The following EIF4E3 variants were observed in gnomAD, a reference collection of about 807,000 sequenced individuals.
The protein encoded by EIF4E3 is eukaryotic translation initiation factor 4E family member 3, also known as eukaryotic translation initiation factor 4E type 3.
A neutral mutation model predicts 31.7 loss-of-function variants in EIF4E3; 26 were observed. The observed-to-expected ratio is 0.82, with a 90% CI of 0.60 to 1.14. The LOEUF (loss-of-function observed/expected upper bound fraction) is 1.14, where lower values mean the gene tolerates loss of function less well. Among genes scored for constraint, EIF4E3 ranks in the 50% most tolerant of loss-of-function variants. EIF4E3 has a pLI of 0.00. For missense variants in EIF4E3, 304 were observed against 270.9 expected, an observed-to-expected ratio of 1.12 and a Z score of -0.86; for synonymous variants, 128 against 107.7, an observed-to-expected ratio of 1.19 and a Z score of -1.17.
intron 1 of EIF4E3, among the ~76,000 whole-genome samples, chr3:71,744,758 T>C (rs1358644034): frequency 2.0e-5 from 3 of 152,118 alleles, no homozygotes; most frequent in Admixed American, 2.0e-4. Flanking sequence ...AAAATATATA[T>C]ATTTACGTCC....
At chr3:71,713,108 T>A (rs1002892975) in intron 1 of EIF4E3, among the ~76,000 whole-genome samples, 1 of 152,158 alleles carries the variant, frequency 6.6e-6, no homozygotes, top group African/African-American at 2.4e-5. Flanking sequence ...GTGACTAACA[T>A]GTAAGTGCCG....
intron 6 of EIF4E3, among the ~76,000 whole-genome samples, chr3:71,686,913 GC>G (rs1375829281): frequency 2.0e-5 from 3 of 152,166 alleles, no homozygotes; most frequent in African/African-American, 7.2e-5. Context: ...ATTGCTCTAA[GC>G]CTGGAGTTGG....
At chr3:71,688,171 T>C (rs1370633034) in intron 6 of EIF4E3, among the ~76,000 whole-genome samples, 3 of 152,218 alleles carry the variant, frequency 2.0e-5, no homozygotes, top group Non-Finnish European at 4.4e-5. Flanking sequence ...TTGATTTAAC[T>C]GGCCAAGTTG....
intron 1 of EIF4E3, among the ~76,000 whole-genome samples, chr3:71,745,533 A>G (rs937624372): frequency 8.5e-5 from 13 of 152,242 alleles, no homozygotes; most frequent in Middle Eastern, 3.2e-3. Flanking sequence ...AGTAGAAAGT[A>G]TCAATAATCG....
At position 71,690,179 on chromosome 3, in the gene EIF4E3, A is replaced by C; in HGVS notation, c.473-14T>G. 3 of 1,589,012 alleles carry C rather than the reference A, an allele frequency of 1.9e-6. No individual in the cohort carries two copies. Among genetic ancestry groups the C allele is most frequent in the Non-Finnish European group, 2.6e-6 (3 of 1,170,266 alleles). On this transcript the variant is annotated splice_polypyrimidine_tract_variant and intron_variant, in intron 5 of 6. Coordinates refer to ENST00000425534, the MANE Select transcript of EIF4E3 (RefSeq NM_001134651.2). ...TTACTTCATCATCTGAGGGGAAGAC[A>C]GGAAAAAAAAAAAATGAGTGATACT...
intron 1 of EIF4E3, among the ~76,000 whole-genome samples, chr3:71,743,057 T>G (rs1014781740): frequency 5.3e-5 from 8 of 152,162 alleles, no homozygotes; most frequent in African/African-American, 1.7e-4. Context: ...GGTGAAAAAC[T>G]GAATGCTTTC....
At chr3:71,750,009 T>C (rs897657743) in intron 1 of EIF4E3, among the ~76,000 whole-genome samples, 19 of 152,226 alleles carry the variant, frequency 1.2e-4, no homozygotes, top group African/African-American at 4.6e-4. Flanking sequence ...GATTTATGTA[T>C]TTTCTACTGC....
intron 3 of EIF4E3, among the ~76,000 whole-genome samples, chr3:71,698,972 G>A (rs1460834648): frequency 3.9e-5 from 6 of 152,172 alleles, no homozygotes; most frequent in Admixed American, 3.9e-4. Context: ...TGTAATCCCA[G>A]CACTTTAGAA....
At position 71,678,019 on chromosome 3, in the gene EIF4E3, AAC is replaced by A. The variant is rs939087239; in HGVS notation, c.*6661_*6662del. 8 of 152,312 alleles carry A rather than the reference AAC, an allele frequency of 5.3e-5. No homozygotes were observed. Among genetic ancestry groups the A allele is most frequent in the East Asian group, 1.9e-4 (1 of 5,188 alleles). 9.4% of individuals were successfully genotyped at this position (152,312 alleles called of 1,614,324 possible). A position where few individuals can be genotyped will look rare whatever the true frequency, so the allele number is the denominator to read the frequency against. On this transcript the variant is annotated 3_prime_UTR_variant, in exon 7 of 7. Coordinates refer to ENST00000425534, the MANE Select transcript of EIF4E3 (RefSeq NM_001134651.2). ...TTCAACAGGGAAGTGTAAAAATAAC[AAC>A]AGTTACTCCCCATCAGAATACCAGA...
At position 71,676,801 on chromosome 3, in the gene EIF4E3, C is replaced by G. The variant is rs1360197363; in HGVS notation, c.*7881G>C. ...TTGTCCTTTATAACTTGACTATCTT[C>G]ATGAAACACTAATTATTTTCGCCTT... On this transcript the variant is annotated 3_prime_UTR_variant, in exon 7 of 7. Coordinates refer to ENST00000425534, the MANE Select transcript of EIF4E3 (RefSeq NM_001134651.2). The G allele has an allele frequency of 6.6e-6, 1 of 151,840 alleles. No homozygotes were observed. The highest frequency in any genetic ancestry group is 1.5e-5 in the Non-Finnish European group (1 of 67,960). The allele number at this position is 151,840 out of a possible 1,614,324, so 9.4% of individuals were successfully genotyped here.
intron 2 of EIF4E3, among the ~76,000 whole-genome samples, chr3:71,703,133 C>G (rs1393276241): frequency 1.3e-5 from 2 of 152,118 alleles, no homozygotes; most frequent in African/African-American, 4.8e-5. Context: ...GATAATCACC[C>G]TAAGACTAGG....
intron 3 of EIF4E3, among the ~76,000 whole-genome samples, chr3:71,697,725 T>C: frequency 6.6e-6 from 1 of 152,214 alleles, no homozygotes; most frequent in Non-Finnish European, 1.5e-5. Context: ...TCCATCCATG[T>C]TGTTGCAAAT....
chr3:71,663,113 G>T, the EIF4E3 span, among the ~76,000 whole-genome samples: 1 of 152,086 alleles, frequency 6.6e-6, no homozygotes, highest in Admixed American at 6.6e-5. Context: ...CTTGCAAGCC[G>T]CCATCCCCAT....
At position 71,725,095 on chromosome 3, in the gene EIF4E3, G is replaced by C. The variant is rs1361537695; in HGVS notation, c.176+97C>G. ...GAGGGGCCGAGGTCTGTGCCACAGCGGAGCGGGGCCGGGGCGAGGGGCCGC... is the reference window on the plus strand; with the variant it reads ...GAGGGGCCGAGGTCTGTGCCACAGCCGAGCGGGGCCGGGGCGAGGGGCCGC... On this transcript the variant is annotated intron_variant, in intron 1 of 6. Transcript: ENST00000425534. This position sits in a 1 kb window ranked among gnomAD's most constrained non-coding sequence, Gnocchi z 6.1. 4 of 904,718 alleles carry C rather than the reference G, an allele frequency of 4.4e-6. No homozygotes were observed. In the African/African-American group the frequency reaches 7.2e-5, roughly 16 times the overall value. 56.0% of individuals were successfully genotyped at this position (904,718 alleles called of 1,614,324 possible).
chr3:71,684,456 T>C lies in EIF4E3; in HGVS notation c.*226A>G, dbSNP rs997475433. ...TTTAGAAAGCCAAAAAAAAAGTTTT[T>C]TGTGTGTGTTTTTTTTAAAAAGCAA... On this transcript the variant is annotated 3_prime_UTR_variant, in exon 7 of 7. Coordinates refer to ENST00000425534, the MANE Select transcript of EIF4E3 (RefSeq NM_001134651.2). 1 of 391,718 alleles carries C rather than the reference T, an allele frequency of 2.6e-6. No individual in the cohort carries two copies. Among genetic ancestry groups the C allele is most frequent in the Non-Finnish European group, 4.5e-6 (1 of 222,508 alleles). 24.3% of individuals were successfully genotyped at this position (391,718 alleles called of 1,614,324 possible). A position where few individuals can be genotyped will look rare whatever the true frequency, so the allele number is the denominator to read the frequency against.
intron 1 of EIF4E3, among the ~76,000 whole-genome samples, chr3:71,720,319 C>G (rs2049527710): frequency 6.6e-6 from 1 of 151,982 alleles, no homozygotes; most frequent in Non-Finnish European, 1.5e-5. Flanking sequence ...CCTCAGCCTC[C>G]CAAGTAGCTG....
At chr3:71,669,970 C>T in the EIF4E3 span, among the ~76,000 whole-genome samples, 2 of 152,204 alleles carry the variant, frequency 1.3e-5, no homozygotes. Context: ...TCCTTGAGGA[C>T]AAGACACAAC....
chr3:71,663,138 AG>A, the EIF4E3 span, among the ~76,000 whole-genome samples: 1 of 152,124 alleles, frequency 6.6e-6, no homozygotes, highest in Non-Finnish European at 1.5e-5. Context: ...AGAGAAGAAC[AG>A]GTGGCCTCCT....
In EIF4E3 at chr3:71,684,850, C is replaced by CTTAT. The variant is rs544357074; in HGVS notation, c.629-126_629-123dup. On this transcript the variant is annotated intron_variant, in intron 6 of 6. Coordinates refer to ENST00000425534, the MANE Select transcript of EIF4E3 (RefSeq NM_001134651.2). ...CAAATGTTGGCAAGAACTCAAACAC[C>CTTAT]TTATTTATTTATTTATTTTTTTGCC... The CTTAT allele has an allele frequency of 8.5e-4, 753 of 882,272 alleles. 1 individual carries two copies. The highest frequency in any genetic ancestry group is 4.9e-3 in the East Asian group (181 of 36,882). The allele number at this position is 882,272 out of a possible 1,614,324, so 54.7% of individuals were successfully genotyped here. A position where few individuals can be genotyped will look rare whatever the true frequency, so the allele number is the denominator to read the frequency against.
Sources: allele counts gnomAD v4.1 joint callset (sites outside exome capture counted in the v4.1 genomes callset), GRCh38; gene constraint gnomAD v4.1.1; non-coding constraint Gnocchi (gnomAD v3.1); transcripts MANE v1.5; gene names NCBI Gene and HGNC (gene_info 2026-07-23, HGNC 2026-07-21).